The following HPSE2 variants were observed in gnomAD, a reference collection of about 807,000 sequenced individuals.
HPSE2 encodes the protein inactive heparanase-2.
A neutral mutation model predicts 60.5 loss-of-function variants in HPSE2; 38 were observed. The ratio of observed to expected loss-of-function variants is 0.63; its 90% confidence interval spans 0.48 to 0.82. HPSE2 has a LOEUF of 0.82. Among genes scored for constraint, HPSE2 ranks in the 40% least tolerant of loss-of-function variants. The pLI, the probability that HPSE2 is intolerant of heterozygous loss-of-function variation, is 0.00. For missense variants in HPSE2, 713 were observed against 740.4 expected (o/e 0.96, Z 0.43); for synonymous variants, 295 against 293.2 (o/e 1.01, Z -0.06).
intron 9 of HPSE2, among the ~76,000 whole-genome samples, chr10:98,605,716 G>A (rs182147804): frequency 6.6e-6 from 1 of 152,344 alleles, no homozygotes; most frequent in African/African-American, 2.4e-5. Context: ...CTGGTGGCAA[G>A]GGCAGGATAG....
intron 3 of HPSE2, among the ~76,000 whole-genome samples, chr10:99,004,283 T>C (rs1956843646): frequency 6.6e-6 from 1 of 150,960 alleles, no homozygotes; most frequent in East Asian, 2.0e-4. Flanking sequence ...CACTGTTATT[T>C]TGTTATTGTT....
chr10:99,009,184 G>A (rs754183315), intron 3 of HPSE2, among the ~76,000 whole-genome samples: 4 of 141,086 alleles, frequency 2.8e-5, no homozygotes, highest in Non-Finnish European at 4.5e-5. Flanking sequence ...TAGGAGGATC[G>A]CTAGAAGCCA....
chr10:98,855,997 G>A (rs573575060), intron 3 of HPSE2, among the ~76,000 whole-genome samples: 29 of 152,218 alleles, frequency 1.9e-4, no homozygotes, highest in Non-Finnish European at 2.8e-4. Context: ...GGTAACCATA[G>A]CAACAATAAA....
intron 3 of HPSE2, among the ~76,000 whole-genome samples, chr10:98,814,313 T>C (rs2134584264): frequency 6.6e-6 from 1 of 152,346 alleles, no homozygotes; most frequent in East Asian, 1.9e-4. Context: ...GCCTATAATT[T>C]AGCTAAACTC....
intron 9 of HPSE2, among the ~76,000 whole-genome samples, chr10:98,571,470 A>G (rs1296283904): frequency 6.6e-6 from 1 of 152,212 alleles, no homozygotes. Flanking sequence ...AAGGGGTAAA[A>G]TAATTTTACA....
At chr10:99,052,100 A>T (rs989985786) in intron 3 of HPSE2, among the ~76,000 whole-genome samples, 2 of 152,014 alleles carry the variant, frequency 1.3e-5, no homozygotes, top group Non-Finnish European at 2.9e-5. Context: ...ATACAAAGAA[A>T]CCCCAAACTG....
chr10:98,741,170 T>A (rs1043276837), intron 4 of HPSE2, among the ~76,000 whole-genome samples: 3 of 152,116 alleles, frequency 2.0e-5, no homozygotes, highest in Admixed American at 6.6e-5. Context: ...AAATCTAGAT[T>A]TTCTGACGAG....
chr10:98,604,991 T>C (rs1945536023), intron 9 of HPSE2, among the ~76,000 whole-genome samples: 1 of 152,176 alleles, frequency 6.6e-6, no homozygotes, highest in Non-Finnish European at 1.5e-5. Flanking sequence ...GTCACTTCAT[T>C]ATGGTGCCCT....
intron 3 of HPSE2, among the ~76,000 whole-genome samples, chr10:98,807,286 C>T (rs1354495960): frequency 6.6e-6 from 1 of 152,204 alleles, no homozygotes; most frequent in African/African-American, 2.4e-5. Flanking sequence ...GAGCACAGTT[C>T]AATGACATTA....
At chr10:98,500,599 G>A (rs939789943) in intron 9 of HPSE2, among the ~76,000 whole-genome samples, 5 of 151,968 alleles carry the variant, frequency 3.3e-5, no homozygotes, top group African/African-American at 1.2e-4. Flanking sequence ...GACATTCTAA[G>A]GTCACACCTC....
the HPSE2 span, among the ~76,000 whole-genome samples, chr10:99,309,415 A>C: frequency 6.6e-6 from 1 of 152,236 alleles, no homozygotes; most frequent in Non-Finnish European, 1.5e-5. Flanking sequence ...CTAAACAGTC[A>C]ATTTGTGAAA....
At chr10:99,290,079 A>T in the HPSE2 span, among the ~76,000 whole-genome samples, 1 of 152,218 alleles carries the variant, frequency 6.6e-6, no homozygotes, top group African/African-American at 2.4e-5. Flanking sequence ...ATAGATCTAT[A>T]AACCTATAGA....
intron 9 of HPSE2, among the ~76,000 whole-genome samples, chr10:98,614,156 G>A (rs571907457): frequency 2.2e-4 from 33 of 152,196 alleles, no homozygotes; most frequent in African/African-American, 7.7e-4. Context: ...TCCCCCATCT[G>A]CTTTCAACAT....
chr10:98,461,281 C>A (rs757143861), intron 11 of HPSE2, among the ~76,000 whole-genome samples: 3 of 152,206 alleles, frequency 2.0e-5, no homozygotes, highest in Non-Finnish European at 4.4e-5. Flanking sequence ...TAAGTTTGGG[C>A]TAGGTCCAGA....
chr10:99,101,308 T>C (rs1339371728), intron 3 of HPSE2, among the ~76,000 whole-genome samples: 1 of 151,600 alleles, frequency 6.6e-6, no homozygotes, highest in East Asian at 1.9e-4. Context: ...ACCAAGCAAA[T>C]GGAAAACAAA....
At chr10:98,769,269 TA>T (rs754832191) in intron 3 of HPSE2, among the ~76,000 whole-genome samples, 5 of 152,082 alleles carry the variant, frequency 3.3e-5, no homozygotes, top group Non-Finnish European at 5.9e-5. Flanking sequence ...TTAGTGACCA[TA>T]AAAAACACCC....
At chr10:99,003,972 T>C (rs1956835016) in intron 3 of HPSE2, among the ~76,000 whole-genome samples, 1 of 152,128 alleles carries the variant, frequency 6.6e-6, no homozygotes, top group African/African-American at 2.4e-5. Flanking sequence ...TTGTATATGT[T>C]GTGAGACAAG....
intron 3 of HPSE2, among the ~76,000 whole-genome samples, chr10:98,942,974 C>T (rs928168327): frequency 1.3e-4 from 20 of 150,768 alleles, no homozygotes; most frequent in Admixed American, 6.6e-4. Flanking sequence ...AGTAAACTAT[C>T]GCAAGGACAA....
At chr10:99,289,293 G>A in the HPSE2 span, among the ~76,000 whole-genome samples, 1 of 151,686 alleles carries the variant, frequency 6.6e-6, no homozygotes, top group African/African-American at 2.4e-5. Flanking sequence ...CAATTTACGT[G>A]GCTGCAAAAA....
Sources: allele counts gnomAD v4.1 joint callset (sites outside exome capture counted in the v4.1 genomes callset), GRCh38; gene constraint gnomAD v4.1.1; transcripts MANE v1.5; gene names NCBI Gene and HGNC (gene_info 2026-07-23, HGNC 2026-07-21).